RASGRF2: variants seen among roughly 807,000 people sequenced by gnomAD.
RASGRF2 encodes ras-specific guanine nucleotide-releasing factor 2.
A neutral mutation model predicts 151.0 loss-of-function variants in RASGRF2; 76 were observed. That is an observed-to-expected ratio of 0.50 (90% CI 0.42 to 0.61). The LOEUF is 0.61. RASGRF2 is among the 20% of genes least tolerant of loss of function. The pLI is 0.00. For missense variants in RASGRF2, 1,148 were observed against 1,564.6 expected (o/e 0.73, Z 4.49); for synonymous variants, 504 against 566.5 (o/e 0.89, Z 1.57).
intron 8 of RASGRF2, 66 bp downstream of exon 8, chr5:81,085,977 C>T (rs1256282310): frequency 1.2e-6 from 2 of 1,606,000 alleles, no homozygotes; most frequent in Non-Finnish European, 1.7e-6. Flanking sequence ...TTGTGGAAAC[C>T]TCCTGTATAT....
chr5:81,219,923 TTA>T, intron 26 of RASGRF2, 145 bp downstream of exon 26: 1 of 470,660 alleles, frequency 2.1e-6, no homozygotes, highest in Non-Finnish European at 3.7e-6. Context: ...GCTAGTCTGA[TTA>T]AAAAAAAAAA....
chr5:81,124,056 A>G (rs1441433001), intron 16 of RASGRF2, among the ~76,000 whole-genome samples: 1 of 152,194 alleles, frequency 6.6e-6, no homozygotes, highest in African/African-American at 2.4e-5. Flanking sequence ...CCTAAACATT[A>G]TAGTATGACA....
chr5:81,090,296 G>T (rs1375760956), intron 9 of RASGRF2, among the ~76,000 whole-genome samples: 1 of 152,204 alleles, frequency 6.6e-6, no homozygotes, highest in Non-Finnish European at 1.5e-5. Context: ...TGGGAATGAA[G>T]TGATTGAATT....
rs4704702 is a variant in RASGRF2 at position 81,131,317 on chromosome 5, C to T, written c.2686+4154C>T. On this transcript the variant is annotated intron_variant, in intron 17 of 26. Coordinates refer to ENST00000265080, the MANE Select transcript of RASGRF2 (RefSeq NM_006909.3). ...GCCCTGCTGCTGGGGTCTCAGCCTG[C>T]CTAATTTCCACATAGACTGGAAAAG... Among the ~76,000 whole-genome samples, 1,515 of 152,104 alleles carry T rather than the reference C, an allele frequency of 1.0e-2. 12 individuals carry two copies. Among genetic ancestry groups the T allele is most frequent in the Admixed American group, 0.014 (214 of 15,284 alleles).
intron 18 of RASGRF2, among the ~76,000 whole-genome samples, chr5:81,200,723 G>A (rs1055412302): frequency 2.0e-5 from 3 of 152,194 alleles, no homozygotes; most frequent in African/African-American, 7.2e-5. Context: ...GTTGACAGCC[G>A]TGAGTTACGT....
intron 3 of RASGRF2, among the ~76,000 whole-genome samples, chr5:81,068,623 C>T (rs1003386460): frequency 2.6e-5 from 4 of 152,124 alleles, no homozygotes; most frequent in African/African-American, 9.7e-5. Context: ...AACCTTCTCC[C>T]CTCCACAGTT....
At chr5:81,212,129 T>C (rs1464051761) in intron 22 of RASGRF2, among the ~76,000 whole-genome samples, 1 of 152,168 alleles carries the variant, frequency 6.6e-6, no homozygotes, top group Non-Finnish European at 1.5e-5. Flanking sequence ...ATCTCTTCCC[T>C]CAACAAGCGG....
At chr5:81,106,091 C>T (rs1053807800) in intron 12 of RASGRF2, among the ~76,000 whole-genome samples, 1 of 152,158 alleles carries the variant, frequency 6.6e-6, no homozygotes, top group African/African-American at 2.4e-5. Flanking sequence ...CATAGACTGT[C>T]TAACTTTGTT....
intron 12 of RASGRF2, among the ~76,000 whole-genome samples, chr5:81,103,867 A>G (rs1408045610): frequency 6.6e-6 from 1 of 152,182 alleles, no homozygotes. Context: ...TTATGTTTAT[A>G]TAGTGGGATA....
chr5:81,181,127 C>T (rs370459467), intron 18 of RASGRF2, among the ~76,000 whole-genome samples: 2 of 152,248 alleles, frequency 1.3e-5, no homozygotes, highest in East Asian at 1.9e-4. Context: ...TAATGAGAAT[C>T]GTGTGTTATA....
At chr5:81,043,228 C>G (rs1426951093) in intron 2 of RASGRF2, among the ~76,000 whole-genome samples, 1 of 152,114 alleles carries the variant, frequency 6.6e-6, no homozygotes, top group Non-Finnish European at 1.5e-5. Flanking sequence ...GGATTTCTTC[C>G]TATGTGCCAA....
At chr5:81,131,631 A>C (rs1180411409) in intron 17 of RASGRF2, among the ~76,000 whole-genome samples, 1 of 151,806 alleles carries the variant, frequency 6.6e-6, no homozygotes, top group Non-Finnish European at 1.5e-5. Context: ...CTAGGATTAC[A>C]GGTGTGAGCC....
chr5:81,114,313 C>T (rs1157714634), intron 15 of RASGRF2, among the ~76,000 whole-genome samples: 4 of 152,204 alleles, frequency 2.6e-5, no homozygotes, highest in Non-Finnish European at 5.9e-5. Context: ...AGAGCTTTCT[C>T]CTCCTCCCTT....
intron 18 of RASGRF2, among the ~76,000 whole-genome samples, chr5:81,185,569 C>CAAA (rs1019444162): frequency 6.6e-6 from 1 of 152,144 alleles, no homozygotes; most frequent in Non-Finnish European, 1.5e-5. Context: ...GAGAGGTCTC[C>CAAA]AAAATCTCAC....
chr5:81,006,864 T>C (rs931208513), intron 1 of RASGRF2, among the ~76,000 whole-genome samples: 1 of 152,196 alleles, frequency 6.6e-6, no homozygotes, highest in African/African-American at 2.4e-5. Flanking sequence ...TCCAAGTCCA[T>C]CAACACACTT....
chr5:81,025,298 C>T (rs937210796), intron 1 of RASGRF2, among the ~76,000 whole-genome samples: 2 of 152,204 alleles, frequency 1.3e-5, no homozygotes, highest in African/African-American at 2.4e-5. Flanking sequence ...TATTACTTCC[C>T]ACATGCTCCC....
rs1477577576 is a variant in RASGRF2 at position 81,067,987 on chromosome 5, A to G, written c.396-45A>G. Reference sequence around the variant, plus strand: ...TTATATTCTATATGGAACTCTATATAGTAGAACAATATCTCAATGACTAAC... The same window carrying G: ...TTATATTCTATATGGAACTCTATATGGTAGAACAATATCTCAATGACTAAC... On this transcript the variant is annotated intron_variant, in intron 2 of 26. Transcript: ENST00000265080. 5 of 1,515,124 alleles carry G rather than the reference A, an allele frequency of 3.3e-6. No homozygotes were observed. The African/African-American group carries it at 6.9e-5, about 21-fold the overall frequency. The allele number at this position is 1,515,124 out of a possible 1,614,324, so 93.9% of individuals were successfully genotyped here. A position where few individuals can be genotyped will look rare whatever the true frequency, so the allele number is the denominator to read the frequency against.
rs141760811 is a variant in RASGRF2 at position 81,225,681 on chromosome 5, G to A, written c.3625G>A (p.Ala1209Thr). Residue 1209 changes from alanine (A) to threonine (T), a missense_variant, in exon 27 of 27, where the codon GCA (alanine) becomes ACA (threonine). Ala to Thr is a moderately conservative substitution (Grantham distance 58, BLOSUM62 0). This residue lies in a region of RASGRF2 where 100 missense variants were observed against 148.2 expected (regional missense o/e 0.67). Coordinates refer to ENST00000265080, the MANE Select transcript of RASGRF2 (RefSeq NM_006909.3). ...SYRIDHQPKV[A>T]QYLLDKDLII... ...GGGACTTCCCCTTTTTTTTCAGGTC[G>A]CACAGTACTTGCTTGACAAAGACCT... 55 of 1,607,576 alleles carry A rather than the reference G, an allele frequency of 3.4e-5. No homozygotes were observed. Among genetic ancestry groups the A allele is most frequent in the Admixed American group, 6.9e-5 (4 of 58,362 alleles).
chr5:81,159,808 TC>T (rs766916733), intron 17 of RASGRF2, among the ~76,000 whole-genome samples: 42 of 152,356 alleles, frequency 2.8e-4, no homozygotes, highest in Middle Eastern at 3.4e-3. Flanking sequence ...CATATTATTC[TC>T]ATTTTATCTT....
Sources: allele counts gnomAD v4.1 joint callset (sites outside exome capture counted in the v4.1 genomes callset), GRCh38; gene constraint gnomAD v4.1.1; regional missense constraint gnomAD v4.1.1; transcripts MANE v1.5; gene names NCBI Gene and HGNC (gene_info 2026-07-23, HGNC 2026-07-21).